Variants in DYNLT1 observed in about 807,000 individuals in gnomAD.
The protein encoded by DYNLT1 is dynein light chain Tctex-type 1.
A neutral mutation model predicts 19.6 loss-of-function variants in DYNLT1; 18 were observed. That is an observed-to-expected ratio of 0.92 (90% CI 0.64 to 1.36). DYNLT1 has a LOEUF of 1.36. Among genes scored for constraint, DYNLT1 ranks in the 40% most tolerant of loss-of-function variants. DYNLT1 has a pLI of 0.00. For synonymous variants in DYNLT1, 56 were observed against 44.0 expected, an observed-to-expected ratio of 1.27 and a Z score of -1.07; for missense variants, 137 against 139.3, an observed-to-expected ratio of 0.98 and a Z score of 0.08.
intron 1 of DYNLT1, among the ~76,000 whole-genome samples, chr6:158,643,601 C>G (rs1787218844): frequency 6.6e-6 from 1 of 152,190 alleles, no homozygotes; most frequent in South Asian, 2.1e-4. Flanking sequence ...CCTGCCTCGG[C>G]CTCCCGAATA....
intron 2 of DYNLT1, among the ~76,000 whole-genome samples, chr6:158,638,797 T>C (rs1787076798): frequency 6.6e-6 from 1 of 152,208 alleles, no homozygotes; most frequent in African/African-American, 2.4e-5. Flanking sequence ...ATCTATGCTG[T>C]ATTCTTTGGG....
At chr6:158,639,991 C>T (rs1398746841) in intron 2 of DYNLT1, among the ~76,000 whole-genome samples, 1 of 152,166 alleles carries the variant, frequency 6.6e-6, no homozygotes, top group Non-Finnish European at 1.5e-5. Flanking sequence ...GAAATGTGTA[C>T]TTTCAATTGC....
At position 158,637,893 on chromosome 6, in the gene DYNLT1, G is replaced by A. The variant is rs1196863251; in HGVS notation, c.71C>T (p.Ala24Val). 1 of 1,602,212 alleles carries A rather than the reference G, an allele frequency of 6.2e-7. No homozygotes were observed. Among genetic ancestry groups the A allele is most frequent in the South Asian group, 1.1e-5 (1 of 91,074 alleles). The change falls in exon 3 of 5, where the codon GCT becomes GTT. Residue 24 changes from alanine to valine, a missense_variant and splice_region_variant. Transcript: ENST00000367089. ...VDEVSNIVKE[A>V]IESAIGGNAY... ...GTTACCACCAATTGCGCTTTCTATA[G>A]CCTAGAAAACAAAGCACAAAGCGCG...
chr6:158,644,044 C>T (rs1415841132), intron 1 of DYNLT1, among the ~76,000 whole-genome samples: 2 of 147,228 alleles, frequency 1.4e-5, no homozygotes, highest in Admixed American at 7.0e-5. Context: ...TATCCTACTT[C>T]CTCAAGGAGG....
intron 4 of DYNLT1, 55 bp downstream of exon 4, chr6:158,637,073 T>A (rs1346090385): frequency 6.2e-7 from 1 of 1,606,680 alleles, no homozygotes; most frequent in African/African-American, 1.3e-5. Context: ...GATAGGAAAC[T>A]TCCAGTCATA....
chr6:158,638,637 G>C (rs1466854964), intron 2 of DYNLT1, among the ~76,000 whole-genome samples: 1 of 152,032 alleles, frequency 6.6e-6, no homozygotes, highest in African/African-American at 2.4e-5. Context: ...GTTTTTTGTA[G>C]AGATGGGGTC....
Position 158,641,423 on chromosome 6 carries a change from A to C in DYNLT1, c.28-63T>G. On this transcript the variant is annotated intron_variant, in intron 1 of 4. Transcript: ENST00000367089. The stretch of plus-strand genomic sequence containing the variant: ...AAAAGATATTTCCACTACATTGATA[A>C]ATGCAAATGTAGGTAATGAACATAA... The C allele has an allele frequency of 2.2e-6, 3 of 1,376,912 alleles. No homozygotes were observed. In the South Asian group the frequency reaches 3.9e-5, roughly 18 times the overall value. 85.3% of individuals were successfully genotyped at this position (1,376,912 alleles called of 1,614,324 possible). A position where few individuals can be genotyped will look rare whatever the true frequency, so the allele number is the denominator to read the frequency against.
At chr6:158,638,091 C>T (rs934478302) in intron 2 of DYNLT1, among the ~76,000 whole-genome samples, 197 bp from the exon 3 acceptor site, 1 of 150,880 alleles carries the variant, frequency 6.6e-6, no homozygotes, top group East Asian at 1.9e-4. Flanking sequence ...AATTCATAGT[C>T]TGTCAAATTA....
chr6:158,638,077 C>G (rs1265696490), intron 2 of DYNLT1, among the ~76,000 whole-genome samples, 183 bp from the exon 3 acceptor site: 1 of 152,082 alleles, frequency 6.6e-6, no homozygotes, highest in African/African-American at 2.4e-5. Context: ...AAATTTGCTT[C>G]AAAAATTCAT....
At chr6:158,642,566 C>CT (rs1400021146) in intron 1 of DYNLT1, 3 of 85,956 alleles carry the variant, frequency 3.5e-5, no homozygotes, top group Non-Finnish European at 6.7e-5. Flanking sequence ...CCTGCCCTTT[C>CT]TTTTTAGGGG....
At chr6:158,642,660 G>A (rs142306900) in intron 1 of DYNLT1, 3 of 152,314 alleles carry the variant, frequency 2.0e-5, no homozygotes, top group African/African-American at 7.2e-5. Flanking sequence ...ACTGAGTGAA[G>A]AACAATTTGC....
At chr6:158,641,137 A>G (rs376142426) in intron 2 of DYNLT1, among the ~76,000 whole-genome samples, 182 bp downstream of exon 2, 2 of 152,264 alleles carry the variant, frequency 1.3e-5, no homozygotes, top group Admixed American at 6.5e-5. Flanking sequence ...CTGATTTAAA[A>G]TATGTAATTT....
At chr6:158,640,978 T>C (rs1364678957) in intron 2 of DYNLT1, among the ~76,000 whole-genome samples, 3 of 152,188 alleles carry the variant, frequency 2.0e-5, no homozygotes, top group Non-Finnish European at 4.4e-5. Context: ...TAACTGGAAA[T>C]TGATTGTTCA....
intron 4 of DYNLT1, 62 bp from the exon 5 acceptor site, chr6:158,636,959 CAAT>C (rs1562322959): frequency 6.3e-7 from 1 of 1,578,730 alleles, no homozygotes; most frequent in South Asian, 1.1e-5. Flanking sequence ...GTTTTACTCA[CAAT>C]AAGGCCAACA....
intron 2 of DYNLT1, among the ~76,000 whole-genome samples, chr6:158,640,409 C>T (rs1469057460): frequency 6.6e-6 from 1 of 152,152 alleles, no homozygotes; most frequent in African/African-American, 2.4e-5. Context: ...GCTTTAGTAT[C>T]TGTGCCCCAT....
At chr6:158,644,389 G>A (rs759158166) in intron 1 of DYNLT1, among the ~76,000 whole-genome samples, 5 of 152,134 alleles carry the variant, frequency 3.3e-5, no homozygotes, top group Non-Finnish European at 5.9e-5. Context: ...GGCCCTGCGG[G>A]AAGGTTTCTC....
At chr6:158,644,609 CGGGCAGGA>C in intron 1 of DYNLT1, 65 bp downstream of exon 1, 1 of 1,585,396 alleles carries the variant, frequency 6.3e-7, no homozygotes, top group Non-Finnish European at 8.6e-7. Context: ...CAGGCCTTTC[CGGGCAGGA>C]CCGCGTGTCC....
At chr6:158,644,171 C>T (rs1481113303) in intron 1 of DYNLT1, among the ~76,000 whole-genome samples, 1 of 152,024 alleles carries the variant, frequency 6.6e-6, no homozygotes, top group Non-Finnish European at 1.5e-5. Context: ...GAGACAAAGG[C>T]GCGGGATGGC....
intron 1 of DYNLT1, among the ~76,000 whole-genome samples, chr6:158,643,610 T>G (rs1787219474): frequency 6.6e-6 from 1 of 152,188 alleles, no homozygotes; most frequent in Non-Finnish European, 1.5e-5. Context: ...GCCTCCCGAA[T>G]AGCTGGGATT....
Sources: allele counts gnomAD v4.1 joint callset (sites outside exome capture counted in the v4.1 genomes callset), GRCh38; gene constraint gnomAD v4.1.1; transcripts MANE v1.5; gene names NCBI Gene and HGNC (gene_info 2026-07-23, HGNC 2026-07-21).